The following VPS4A variants were observed in gnomAD, a reference collection of about 807,000 sequenced individuals.
VPS4A encodes vacuolar protein sorting-associated protein 4A.
In VPS4A, 20 loss-of-function variants were observed where a neutral mutation model predicts 52.3. The observed-to-expected ratio is 0.38, with a 90% CI of 0.27 to 0.56. The LOEUF is 0.56. VPS4A is among the 20% of genes least tolerant of loss of function. VPS4A has a pLI of 0.72. For missense variants in VPS4A, 419 were observed against 575.9 expected (o/e 0.73, Z 2.79); for synonymous variants, 293 against 227.7 (o/e 1.29, Z -2.58).
At position 69,322,711 on chromosome 16, in the gene VPS4A, TGACAG is replaced by T. The variant is rs753920408; in HGVS notation, c.1212+13_1212+17del. ...CCTGTGGTTTGCATGGTAAGTGACT[TGACAG>T]GGGAGGGAAGAGGGCTGCACAGAGC... On this transcript the variant is annotated intron_variant, in intron 10 of 10. Coordinates refer to ENST00000254950, the MANE Select transcript of VPS4A (RefSeq NM_013245.3). 4.8e-5 allele frequency: 78 copies of T among 1,610,838 alleles called. 1 individual carries two copies. The South Asian group carries it at 8.3e-4, about 17-fold the overall frequency.
chr16:69,321,631 G>T lies in VPS4A; in HGVS notation c.1071+361G>T, dbSNP rs1412856629. On this transcript the variant is annotated intron_variant, in intron 9 of 10. Coordinates refer to ENST00000254950, the MANE Select transcript of VPS4A (RefSeq NM_013245.3). This position sits in a 1 kb window ranked among gnomAD's most constrained non-coding sequence, Gnocchi z 4.5. ...GGAAGACCTGTCTATTCATTCAGCA[G>T]ATCTCTGCTGAGTATTTGCTGTGGG... The T allele has an allele frequency of 1.4e-5, 4 of 290,874 alleles. No individual in the cohort carries two copies. In the Admixed American group the frequency reaches 1.9e-4, roughly 13 times the overall value. The allele number at this position is 290,874 out of a possible 1,614,324, so 18.0% of individuals were successfully genotyped here.
At chr16:69,313,219 G>T (rs1406884021) in intron 1 of VPS4A, among the ~76,000 whole-genome samples, 2 of 151,362 alleles carry the variant, frequency 1.3e-5, no homozygotes, top group African/African-American at 4.9e-5. Context: ...CTGACTTCAA[G>T]TGTGATCTGC....
In VPS4A at chr16:69,318,695, G is replaced by A. The variant is rs754287839; in HGVS notation, c.327G>A (p.Leu109=). ...SEGDNPEKKK[L]QEQLMGAVVM... is the part of the protein sequence containing the mutation. ...GGGATAATCCGGAGAAAAAGAAACT[G>A]CAAGAACAGCTGATGGGTAAGTGGC... The change falls in exon 4 of 11, where the codon CTG becomes CTA. Residue 109 remains leucine, a synonymous_variant. Coordinates refer to ENST00000254950, the MANE Select transcript of VPS4A (RefSeq NM_013245.3). 7.4e-6 allele frequency: 12 copies of A among 1,613,572 alleles called. No homozygotes were observed. Among genetic ancestry groups the A allele is most frequent in the Non-Finnish European group, 1.0e-5 (12 of 1,179,748 alleles).
chr16:69,324,195 G>A lies in VPS4A; in HGVS notation c.1213-13G>A, dbSNP rs1204208187. ...CCTGGCTCCTGCTCAGGCACATACT[G>A]TTGCCTTCACAGTCGGACATGCTGC... On this transcript the variant is annotated splice_polypyrimidine_tract_variant and intron_variant, in intron 10 of 10. Coordinates refer to ENST00000254950, the MANE Select transcript of VPS4A (RefSeq NM_013245.3). 1 of 1,610,732 alleles carries A rather than the reference G, an allele frequency of 6.2e-7. No homozygotes were observed. The highest frequency in any genetic ancestry group is 2.2e-5 in the East Asian group (1 of 44,840).
chr16:69,319,082 A>G (rs996981649), intron 5 of VPS4A, 140 bp downstream of exon 5: 4 of 1,290,640 alleles, frequency 3.1e-6, no homozygotes, highest in Non-Finnish European at 3.2e-6. Flanking sequence ...GCTGGTGTCC[A>G]CAACACTGCT....
At chr16:69,312,115 A>C (rs1413654547) in intron 1 of VPS4A, among the ~76,000 whole-genome samples, 1 of 151,932 alleles carries the variant, frequency 6.6e-6, no homozygotes, top group Non-Finnish European at 1.5e-5. Flanking sequence ...GAAGAGATCA[A>C]CATGCTCAGG....
At chr16:69,319,574 G>C (rs753397417) in intron 6 of VPS4A, 31 bp downstream of exon 6, 2 of 1,593,910 alleles carry the variant, frequency 1.3e-6, no homozygotes, top group Admixed American at 1.8e-5. Flanking sequence ...TGCTCTGCCA[G>C]CAGCCCCGGC....
chr16:69,324,344 G>C lies in VPS4A; in HGVS notation c.*35G>C, dbSNP rs766029964. On this transcript the variant is annotated 3_prime_UTR_variant, in exon 11 of 11. Transcript: ENST00000254950. Reference sequence around the variant, plus strand: ...CACTTGGGCAATGGTGAAGGTGGGAGGTTGATTGGGGCAAATCCAGGCACT... The same window carrying C: ...CACTTGGGCAATGGTGAAGGTGGGACGTTGATTGGGGCAAATCCAGGCACT... 1.9e-6 allele frequency: 3 copies of C among 1,600,960 alleles called. No homozygotes were observed. In the East Asian group the frequency reaches 6.7e-5, roughly 36 times the overall value.
Position 69,321,721 on chromosome 16 carries a change from C to G in VPS4A, c.1071+451C>G, listed in dbSNP as rs1775292739. ...ATATGAGTGACCAACAGACAAAAAT[C>G]CTAGACCTTCCGTTGTTGGTGGGGA... is the stretch of plus-strand genomic sequence containing the variant. On this transcript the variant is annotated intron_variant, in intron 9 of 10. Transcript: ENST00000254950. This position sits in a 1 kb window ranked among gnomAD's most constrained non-coding sequence, Gnocchi z 4.5. The G allele has an allele frequency of 5.2e-6, 1 of 191,820 alleles. No homozygotes were observed. The highest frequency in any genetic ancestry group is 2.4e-5 in the African/African-American group (1 of 42,526). 11.9% of individuals were successfully genotyped at this position (191,820 alleles called of 1,614,324 possible).
In VPS4A at chr16:69,319,538, T is replaced by C. The variant is rs1412978413; in HGVS notation, c.615T>C (p.Ser205=). 3 of 1,611,538 alleles carry C rather than the reference T, an allele frequency of 1.9e-6. No homozygotes were observed. The highest frequency in any genetic ancestry group is 1.3e-5 in the African/African-American group (1 of 74,698). ...TGATGTCCAAGTGGCTGGGGGAGAG[T>C]GAAAAGTAAGTCGGCCACCAGGCCA... ...SDLMSKWLGE[S]EKLVKNLFEL... Residue 205 remains serine (S), a synonymous_variant, in exon 6 of 11, where the codon AGT becomes AGC. Coordinates refer to ENST00000254950, the MANE Select transcript of VPS4A (RefSeq NM_013245.3).
At chr16:69,314,071 T>C (rs1254195597) in intron 1 of VPS4A, among the ~76,000 whole-genome samples, 1 of 147,896 alleles carries the variant, frequency 6.8e-6, no homozygotes, top group Admixed American at 6.9e-5. Context: ...GTTCAAGCAA[T>C]TCTCCTGCCT....
rs1965496605 is a variant in VPS4A at position 69,320,438 on chromosome 16, T to C, written c.769+149T>C. The stretch of plus-strand genomic sequence containing the variant: ...CCCTCAGGGCACGGGTGGACTTCAA[T>C]TCCCAAGAGGTGCCTGAGGCCTCTG... On this transcript the variant is annotated intron_variant, in intron 7 of 10. Transcript: ENST00000254950. This position sits in a 1 kb window ranked among gnomAD's most constrained non-coding sequence, Gnocchi z 4.2. The C allele has an allele frequency of 3.4e-6, 4 of 1,191,430 alleles. No individual in the cohort carries two copies. In the East Asian group the frequency reaches 7.6e-5, roughly 23 times the overall value. The allele number at this position is 1,191,430 out of a possible 1,614,324, so 73.8% of individuals were successfully genotyped here.
At chr16:69,322,312 C>G in intron 9 of VPS4A, 1 of 380,898 alleles carries the variant, frequency 2.6e-6, no homozygotes, top group Non-Finnish European at 4.7e-6. Flanking sequence ...TTTAATGTCA[C>G]TGTATTCCTG....
Position 69,321,671 on chromosome 16 carries a change from C to G in VPS4A, c.1071+401C>G, listed in dbSNP as rs906218800. ...TTTGCTGTGGGTCCTCCTGTGTGCC[C>G]GGCCCTGTCCTAAGTGCTGGGAAGA... On this transcript the variant is annotated intron_variant, in intron 9 of 10. Transcript: ENST00000254950. This position sits in a 1 kb window ranked among gnomAD's most constrained non-coding sequence, Gnocchi z 4.5. 3 of 237,656 alleles carry G rather than the reference C, an allele frequency of 1.3e-5. No individual in the cohort carries two copies. Among genetic ancestry groups the G allele is most frequent in the East Asian group, 1.1e-4 (1 of 9,456 alleles). 14.7% of individuals were successfully genotyped at this position (237,656 alleles called of 1,614,324 possible).
Position 69,320,893 on chromosome 16 carries a change from C to T in VPS4A, c.851+124C>T. 1.6e-6 allele frequency: 2 copies of T among 1,243,418 alleles called. No homozygotes were observed. The highest frequency in any genetic ancestry group is 1.4e-5 in the South Asian group (1 of 70,598). The allele number at this position is 1,243,418 out of a possible 1,614,324, so 77.0% of individuals were successfully genotyped here. On this transcript the variant is annotated intron_variant, in intron 8 of 10. Transcript: ENST00000254950. The surrounding 1 kb of genome is among the most constrained non-coding windows in gnomAD (Gnocchi z 4.2). Reference sequence around the variant, plus strand: ...CCCTGGAGTCTTCCCGTCTGCCTGCCAAGCAGAGCCCTTTGTGAGGCTGGC... The same window carrying T: ...CCCTGGAGTCTTCCCGTCTGCCTGCTAAGCAGAGCCCTTTGTGAGGCTGGC...
rs191303200 is a variant in VPS4A at position 69,319,131 on chromosome 16, G to C, written c.463+189G>C. 6.6e-3 allele frequency among the ~76,000 whole-genome samples: 1,008 copies of C among 152,290 alleles called. 8 individuals carry two copies. Among genetic ancestry groups the C allele is most frequent in the Non-Finnish European group, 0.011 (749 of 68,016 alleles). On this transcript the variant is annotated intron_variant, in intron 5 of 10. Coordinates refer to ENST00000254950, the MANE Select transcript of VPS4A (RefSeq NM_013245.3). ...TGAGATGACGATCACGTCACAGGGTGGGGGCAGGATCAGGAAGCAGTGCCA... is the reference window on the plus strand; with the variant it reads ...TGAGATGACGATCACGTCACAGGGTCGGGGCAGGATCAGGAAGCAGTGCCA...
In VPS4A at chr16:69,321,286, C is replaced by T. The variant is rs1430310393; in HGVS notation, c.1071+16C>T. The T allele has an allele frequency of 9.7e-6, 15 of 1,548,330 alleles. No homozygotes were observed. Among genetic ancestry groups the T allele is most frequent in the African/African-American group, 1.4e-5 (1 of 73,114 alleles). ...CTTCAAAAAGGTGAGTGCCCGCGGC[C>T]ACTGCTGAGAAAAATCTCATAGTAA... On this transcript the variant is annotated intron_variant, in intron 9 of 10. Transcript: ENST00000254950. This position sits in a 1 kb window ranked among gnomAD's most constrained non-coding sequence, Gnocchi z 4.5.
In VPS4A at chr16:69,321,373, A is replaced by T. The variant is rs1477631271; in HGVS notation, c.1071+103A>T. 1 of 1,322,650 alleles carries T rather than the reference A, an allele frequency of 7.6e-7. No homozygotes were observed. Among genetic ancestry groups the T allele is most frequent in the East Asian group, 2.5e-5 (1 of 39,724 alleles). The allele number at this position is 1,322,650 out of a possible 1,614,324, so 81.9% of individuals were successfully genotyped here. On this transcript the variant is annotated intron_variant, in intron 9 of 10. Coordinates refer to ENST00000254950, the MANE Select transcript of VPS4A (RefSeq NM_013245.3). The surrounding 1 kb of genome is among the most constrained non-coding windows in gnomAD (Gnocchi z 4.5). ...GTCCTGCTCCCCGGCTGCTCAGGTG[A>T]CACAGTCTCTGAGGCCTCCTGGAGA... is the stretch of plus-strand genomic sequence containing the variant.
rs975833649 is a variant in VPS4A, at chr16:69,320,876, T to G, written c.851+107T>G. 2 of 1,288,670 alleles carry G rather than the reference T, an allele frequency of 1.6e-6. No homozygotes were observed. The highest frequency in any genetic ancestry group is 3.0e-5 in the African/African-American group (2 of 67,790). 79.8% of individuals were successfully genotyped at this position (1,288,670 alleles called of 1,614,324 possible). ...GCAGCCTGGCCCCTTTTCCCTGGAG[T>G]CTTCCCGTCTGCCTGCCAAGCAGAG... On this transcript the variant is annotated intron_variant, in intron 8 of 10. Transcript: ENST00000254950. The surrounding 1 kb of genome is among the most constrained non-coding windows in gnomAD (Gnocchi z 4.2).
Sources: allele counts gnomAD v4.1 joint callset (sites outside exome capture counted in the v4.1 genomes callset), GRCh38; gene constraint gnomAD v4.1.1; non-coding constraint Gnocchi (gnomAD v3.1); transcripts MANE v1.5; gene names NCBI Gene and HGNC (gene_info 2026-07-23, HGNC 2026-07-21).